Variants in HECW1 observed in about 807,000 individuals in gnomAD.
HECW1 encodes E3 ubiquitin-protein ligase HECW1.
HECW1 carries 61 observed loss-of-function variants against 182.3 expected under a neutral mutation model. The observed-to-expected ratio is 0.33, with a 90% CI of 0.27 to 0.41. HECW1 has a LOEUF of 0.41. HECW1 is among the 10% of genes least tolerant of loss of function. The pLI is 1.00. For missense variants in HECW1, 1,739 were observed against 2,108.9 expected (o/e 0.82, Z 3.44); for synonymous variants, 859 against 832.6 (o/e 1.03, Z -0.55).
intron 3 of HECW1, among the ~76,000 whole-genome samples, chr7:43,279,016 A>G (rs1345336100): frequency 6.6e-6 from 1 of 152,232 alleles, no homozygotes; most frequent in Admixed American, 6.5e-5. Context: ...ACAGGAAGTC[A>G]GTTGCATAAA....
intron 2 of HECW1, among the ~76,000 whole-genome samples, chr7:43,193,570 C>T (rs775028977): frequency 5.3e-5 from 8 of 152,054 alleles, no homozygotes; most frequent in East Asian, 3.9e-4. Flanking sequence ...TTAGTAGAGA[C>T]GGGGTTTCAC....
intron 5 of HECW1, among the ~76,000 whole-genome samples, chr7:43,345,075 A>T (rs894607005): frequency 6.6e-6 from 1 of 152,188 alleles, no homozygotes; most frequent in Non-Finnish European, 1.5e-5. Flanking sequence ...AAGACTGGAA[A>T]CAGGCACTTT....
intron 8 of HECW1, among the ~76,000 whole-genome samples, chr7:43,419,312 G>A (rs1274271783): frequency 6.6e-6 from 1 of 152,214 alleles, no homozygotes; most frequent in Non-Finnish European, 1.5e-5. Flanking sequence ...CCCGTCTCTT[G>A]TTGCAGTGAA....
intron 8 of HECW1, among the ~76,000 whole-genome samples, chr7:43,414,940 G>A (rs1468625704): frequency 1.3e-5 from 2 of 151,998 alleles, no homozygotes; most frequent in Non-Finnish European, 2.9e-5. Context: ...GTCTCTGCCC[G>A]GCTTTGGTAT....
intron 7 of HECW1, among the ~76,000 whole-genome samples, chr7:43,403,012 T>A (rs1051104035): frequency 6.6e-5 from 10 of 152,200 alleles, no homozygotes; most frequent in African/African-American, 2.4e-4. Context: ...TAGAGCCAAA[T>A]TATTAAATGC....
intron 26 of HECW1, among the ~76,000 whole-genome samples, chr7:43,548,182 G>C (rs1024520577): frequency 6.6e-6 from 1 of 152,048 alleles, no homozygotes; most frequent in Non-Finnish European, 1.5e-5. Flanking sequence ...TACATTTTAT[G>C]TTAGTAAATG....
intron 2 of HECW1, among the ~76,000 whole-genome samples, chr7:43,203,202 A>G (rs1003805982): frequency 2.6e-5 from 4 of 151,974 alleles, no homozygotes; most frequent in East Asian, 1.9e-4. Context: ...TATATTTCAA[A>G]TAGTTTTATT....
Position 43,563,740 on chromosome 7 carries a change from A to G in HECW1, c.*1814A>G, listed in dbSNP as rs890647757. ...AAAAATTAGCCGGGCGTGATGGCAC[A>G]TGCCGGTAGTCCCAGCTACTTGGGA... On this transcript the variant is annotated 3_prime_UTR_variant, in exon 30 of 30. Coordinates refer to ENST00000395891, the MANE Select transcript of HECW1 (RefSeq NM_015052.5). 5.7e-6 allele frequency: 1 copy of G among 175,824 alleles called. No individual in the cohort carries two copies. The highest frequency in any genetic ancestry group is 2.4e-5 in the African/African-American group (1 of 42,300). 10.9% of individuals were successfully genotyped at this position (175,824 alleles called of 1,614,324 possible). A position where few individuals can be genotyped will look rare whatever the true frequency, so the allele number is the denominator to read the frequency against.
chr7:43,428,853 G>A (rs868136886), intron 8 of HECW1, among the ~76,000 whole-genome samples: 1 of 152,042 alleles, frequency 6.6e-6, no homozygotes, highest in African/African-American at 2.4e-5. Context: ...CTTTATAGGT[G>A]TTTAAGTGAA....
At chr7:43,200,668 C>T (rs904084835) in intron 2 of HECW1, among the ~76,000 whole-genome samples, 8 of 152,326 alleles carry the variant, frequency 5.3e-5, no homozygotes, top group African/African-American at 1.7e-4. Context: ...TGTTTTGTCC[C>T]GGGCTCATTG....
At chr7:43,190,583 C>T (rs772223233) in intron 2 of HECW1, among the ~76,000 whole-genome samples, 12 of 152,114 alleles carry the variant, frequency 7.9e-5, no homozygotes, top group Non-Finnish European at 8.8e-5. Context: ...TTCAGTTGTC[C>T]GGTGATGTAT....
chr7:43,321,841 G>A (rs1035124484), intron 5 of HECW1, among the ~76,000 whole-genome samples: 1 of 152,112 alleles, frequency 6.6e-6, no homozygotes, highest in Non-Finnish European at 1.5e-5. Flanking sequence ...GTATTTCAAG[G>A]ACTATAGATG....
chr7:43,155,263 TA>T (rs1444934717), intron 2 of HECW1, among the ~76,000 whole-genome samples: 1 of 152,212 alleles, frequency 6.6e-6, no homozygotes, highest in Non-Finnish European at 1.5e-5. Flanking sequence ...CTATTAAATT[TA>T]ACAACTTTCT....
intron 3 of HECW1, among the ~76,000 whole-genome samples, chr7:43,265,048 G>T (rs1801625487): frequency 6.6e-6 from 1 of 152,064 alleles, no homozygotes; most frequent in Admixed American, 6.6e-5. Context: ...AAACAAAATG[G>T]ACAGAAAGTA....
chr7:43,175,187 T>TAC (rs148286854), intron 2 of HECW1, among the ~76,000 whole-genome samples: 3,036 of 151,872 alleles, frequency 0.02, 86 homozygotes, highest in African/African-American at 0.069. Context: ...CACATACACA[T>TAC]ACACACACAC....
intron 5 of HECW1, among the ~76,000 whole-genome samples, chr7:43,336,871 G>C (rs1047594422): frequency 6.6e-6 from 1 of 152,138 alleles, no homozygotes; most frequent in African/African-American, 2.4e-5. Flanking sequence ...TTGCTGCGAA[G>C]GACATGATTT....
At chr7:43,472,594 TTAAA>T (rs2078065793) in intron 16 of HECW1, among the ~76,000 whole-genome samples, 1 of 151,564 alleles carries the variant, frequency 6.6e-6, no homozygotes, top group African/African-American at 2.4e-5. Flanking sequence ...GTTAATTATA[TTAAA>T]TAAATATTAA....
intron 2 of HECW1, among the ~76,000 whole-genome samples, chr7:43,156,867 A>G (rs1406340407): frequency 6.6e-6 from 1 of 152,234 alleles, no homozygotes; most frequent in Non-Finnish European, 1.5e-5. Context: ...GCATGGGTCA[A>G]GCTGAAGCTT....
intron 17 of HECW1, among the ~76,000 whole-genome samples, chr7:43,482,105 A>G (rs1408033308): frequency 6.6e-6 from 1 of 151,674 alleles, no homozygotes; most frequent in Non-Finnish European, 1.5e-5. Context: ...TCCAAACCTC[A>G]CCCATCCCTA....
Sources: allele counts gnomAD v4.1 joint callset (sites outside exome capture counted in the v4.1 genomes callset), GRCh38; gene constraint gnomAD v4.1.1; transcripts MANE v1.5; gene names NCBI Gene and HGNC (gene_info 2026-07-23, HGNC 2026-07-21).